Variants in ZNF705A observed in about 807,000 individuals in gnomAD.
ZNF705A encodes zinc finger protein 705A.
ZNF705A carries 8 observed loss-of-function variants against 16.6 expected under a neutral mutation model. The observed-to-expected ratio is 0.48, with a 90% confidence interval of 0.28 to 0.87. ZNF705A has a LOEUF of 0.87. ZNF705A is among the 40% of genes least tolerant of loss of function. ZNF705A has a pLI of 0.10. For missense variants in ZNF705A, 233 were observed against 359.9 expected (o/e 0.65, Z 2.85); for synonymous variants, 73 against 117.3 (o/e 0.62, Z 2.44).
intron 1 of ZNF705A, among the ~76,000 whole-genome samples, chr12:8,163,822 G>A (rs909347429): frequency 3.3e-5 from 5 of 152,096 alleles, no homozygotes; most frequent in African/African-American, 1.2e-4. Context: ...TGAATTCCAG[G>A]CAGCAGGAAG....
At chr12:8,160,889 T>C (rs113323288) in intron 1 of ZNF705A, among the ~76,000 whole-genome samples, 2,993 of 152,266 alleles carry the variant, frequency 0.02, 97 homozygotes, top group African/African-American at 0.067. Flanking sequence ...AGAGTGTGCA[T>C]CCTTGTCTTG....
At chr12:8,171,806 G>A (rs760611174), upstream of ZNF705A, among the ~76,000 whole-genome samples, 19 of 152,044 alleles carry the variant, frequency 1.2e-4, no homozygotes, top group Non-Finnish European at 1.9e-4. Context: ...GTGGGATCTC[G>A]GCTCACTGTA....
intron 1 of ZNF705A, among the ~76,000 whole-genome samples, chr12:8,161,931 T>C (rs977674025): frequency 6.6e-6 from 1 of 152,206 alleles, no homozygotes; most frequent in African/African-American, 2.4e-5. Context: ...GGAAACTCCA[T>C]TGTGAGCACA....
At chr12:8,169,761 AAT>A (rs1465791236), upstream of ZNF705A, among the ~76,000 whole-genome samples, 1 of 152,234 alleles carries the variant, frequency 6.6e-6, no homozygotes, top group African/African-American at 2.4e-5. Flanking sequence ...CTGCATTCCT[AAT>A]ACTTCACTAA....
At chr12:8,165,601 G>A (rs1335024968) in intron 1 of ZNF705A, among the ~76,000 whole-genome samples, 1 of 151,972 alleles carries the variant, frequency 6.6e-6, no homozygotes, top group African/African-American at 2.4e-5. Context: ...TGATGCTGAG[G>A]AGTATGAATG....
upstream of ZNF705A, among the ~76,000 whole-genome samples, chr12:8,170,435 G>A (rs1037847470): frequency 6.6e-6 from 1 of 152,122 alleles, no homozygotes; most frequent in Non-Finnish European, 1.5e-5. Flanking sequence ...TCTTGAAATA[G>A]TTTTTATAGA....
At chr12:8,173,597 C>T (rs183200577) in intron 1 of ZNF705A, among the ~76,000 whole-genome samples, 80 of 152,254 alleles carry the variant, frequency 5.3e-4, no homozygotes, top group African/African-American at 1.1e-3. Flanking sequence ...GCAGCCTCAG[C>T]GGTCTTGTCT....
intron 1 of ZNF705A, among the ~76,000 whole-genome samples, chr12:8,166,705 C>T (rs1429925659): frequency 9.2e-5 from 14 of 152,254 alleles, no homozygotes; most frequent in Admixed American, 7.8e-4. Flanking sequence ...ATTGCCAAGG[C>T]TTGTGGCTTG....
chr12:8,170,143 C>A (rs1358504798), upstream of ZNF705A, among the ~76,000 whole-genome samples: 13 of 149,620 alleles, frequency 8.7e-5, no homozygotes, highest in Admixed American at 4.0e-4. Flanking sequence ...GAGCCGAGAT[C>A]GCGCCACTGC....
chr12:8,159,641 C>T (rs1385332648), intron 1 of ZNF705A, among the ~76,000 whole-genome samples: 2 of 146,682 alleles, frequency 1.4e-5, no homozygotes, highest in African/African-American at 2.6e-5. Context: ...GTCTTTAGCC[C>T]ACTTTTTGAT....
At chr12:8,169,606 T>G (rs1948428361), upstream of ZNF705A, among the ~76,000 whole-genome samples, 3 of 152,168 alleles carry the variant, frequency 2.0e-5, no homozygotes, top group Admixed American at 2.0e-4. Flanking sequence ...AGTGAGAGAA[T>G]CTACTAAATA....
chr12:8,177,625 T>C, exon 5 of ZNF705A: 1 of 1,581,304 alleles, frequency 6.3e-7, no homozygotes, highest in Non-Finnish European at 8.6e-7. Context: ...ATGAATGCCA[T>C]TTATGTGGGA....
At chr12:8,164,964 T>A (rs1216162720) in intron 1 of ZNF705A, among the ~76,000 whole-genome samples, 2 of 152,172 alleles carry the variant, frequency 1.3e-5, no homozygotes, top group African/African-American at 4.8e-5. Context: ...AGTGTAAAAG[T>A]GTTCTTATAT....
exon 5 of ZNF705A, chr12:8,177,418 T>A (rs751426694): frequency 3.1e-6 from 5 of 1,611,934 alleles, no homozygotes; most frequent in African/African-American, 1.3e-5. Context: ...TTCGAAGACA[T>A]GAGAGAACTC....
exon 5 of ZNF705A, chr12:8,179,136 G>C (rs907875639): frequency 3.4e-4 from 52 of 152,184 alleles, no homozygotes. Context: ...GAATAAGGCA[G>C]CTCTTCTCTT....
At chr12:8,172,681 G>A in intron 1 of ZNF705A, 44 bp downstream of exon 2, 1 of 1,594,292 alleles carries the variant, frequency 6.3e-7, no homozygotes, top group South Asian at 1.1e-5. Context: ...TACCCATATT[G>A]CTGGCAAGTG....
chr12:8,173,945 C>T (rs1181507942), intron 1 of ZNF705A, among the ~76,000 whole-genome samples: 1 of 152,106 alleles, frequency 6.6e-6, no homozygotes, highest in Non-Finnish European at 1.5e-5. Flanking sequence ...AGTAGTAAAT[C>T]ATGGTTATTT....
intron 1 of ZNF705A, among the ~76,000 whole-genome samples, chr12:8,164,198 G>A (rs1948380079): frequency 1.3e-5 from 2 of 152,098 alleles, no homozygotes; most frequent in South Asian, 2.1e-4. Context: ...ACTTACTTAC[G>A]TGGTATATCT....
intron 1 of ZNF705A, among the ~76,000 whole-genome samples, chr12:8,161,614 A>G (rs1465159013): frequency 2.6e-5 from 4 of 152,122 alleles, no homozygotes; most frequent in African/African-American, 9.7e-5. Context: ...TTGAATGATC[A>G]GTGGTGTCAG....
Sources: gnomAD v4.1 joint callset for allele counts (sites outside exome capture counted in the v4.1 genomes callset) on GRCh38, gnomAD v4.1.1 for gene constraint, MANE v1.5 for transcripts, NCBI Gene and HGNC (gene_info 2026-07-23, HGNC 2026-07-21) for gene names.